Variants in CCDC192 observed in about 807,000 individuals in gnomAD.
CCDC192 encodes the protein coiled-coil domain containing 192, also known as coiled-coil domain-containing protein 192.
At chr5:127,904,694 G>A (rs1195204254) in intron 6 of CCDC192, among the ~76,000 whole-genome samples, 1 of 151,962 alleles carries the variant, frequency 6.6e-6, no homozygotes, top group Non-Finnish European at 1.5e-5. Flanking sequence ...TAGAGAAGGG[G>A]TATCACTATG....
At chr5:127,847,008 C>T (rs918455306) in intron 5 of CCDC192, among the ~76,000 whole-genome samples, 1 of 152,176 alleles carries the variant, frequency 6.6e-6, no homozygotes, top group African/African-American at 2.4e-5. Context: ...CAACTGGTCC[C>T]GTGTTTATTT....
At chr5:127,814,274 G>A (rs1758238783) in intron 5 of CCDC192, among the ~76,000 whole-genome samples, 4 of 152,306 alleles carry the variant, frequency 2.6e-5, no homozygotes, top group Middle Eastern at 3.4e-3. Flanking sequence ...ATTCTTCTTT[G>A]TGGAATTGCT....
At chr5:127,740,420 A>G (rs72790345) in intron 2 of CCDC192, 7,161 of 152,300 alleles carry the variant, frequency 0.047, 233 homozygotes, top group South Asian at 0.089. Flanking sequence ...GATGCATAAC[A>G]CATTTCTCCT....
chr5:127,719,541 A>ACACC (rs1751868026), intron 2 of CCDC192, among the ~76,000 whole-genome samples: 2 of 36,458 alleles, frequency 5.5e-5, no homozygotes, highest in Admixed American at 7.6e-4. Context: ...ATACATATAT[A>ACACC]TATATATATA....
At chr5:127,775,139 C>T (rs991337701) in intron 3 of CCDC192, among the ~76,000 whole-genome samples, 3 of 152,112 alleles carry the variant, frequency 2.0e-5, no homozygotes, top group Non-Finnish European at 4.4e-5. Flanking sequence ...GTTACACTAC[C>T]CCTCCCTCCC....
chr5:127,732,336 AG>A (rs1205230319), intron 2 of CCDC192, among the ~76,000 whole-genome samples: 1 of 152,164 alleles, frequency 6.6e-6, no homozygotes, highest in Non-Finnish European at 1.5e-5. Context: ...TAAAAAGTCA[AG>A]AAACAACAGA....
At chr5:127,717,458 G>GGCTCTCTATTACTA (rs1751686853) in intron 2 of CCDC192, among the ~76,000 whole-genome samples, 1 of 132,892 alleles carries the variant, frequency 7.5e-6, no homozygotes, top group Non-Finnish European at 1.7e-5. Context: ...CTCAAGCAGT[G>GGCTCTCTATTACTA]CATAGAAAGG....
chr5:127,920,436 T>C (rs996821285), intron 6 of CCDC192, among the ~76,000 whole-genome samples: 3 of 143,674 alleles, frequency 2.1e-5, no homozygotes, highest in Non-Finnish European at 4.5e-5. Flanking sequence ...GAGATGGAGT[T>C]TTTGCTCTGT....
At chr5:127,897,987 G>A (rs1033856737) in intron 6 of CCDC192, among the ~76,000 whole-genome samples, 20 of 152,142 alleles carry the variant, frequency 1.3e-4, no homozygotes, top group Non-Finnish European at 2.6e-4. Flanking sequence ...GCTCACTTTG[G>A]CTTTATGATT....
chr5:127,899,561 CAAAA>C (rs10537626), intron 6 of CCDC192, among the ~76,000 whole-genome samples: 24 of 137,356 alleles, frequency 1.7e-4, no homozygotes, highest in Non-Finnish European at 1.7e-4. Context: ...CACACTGCAC[CAAAA>C]AAAAAAAAAA....
chr5:127,911,349 G>A (rs923813964), intron 6 of CCDC192, among the ~76,000 whole-genome samples: 3 of 152,190 alleles, frequency 2.0e-5, no homozygotes, highest in Non-Finnish European at 4.4e-5. Context: ...TGTTATGATG[G>A]CTGAAGAGAA....
chr5:127,912,088 ATT>A (rs113713531), intron 6 of CCDC192, among the ~76,000 whole-genome samples: 7 of 141,332 alleles, frequency 5.0e-5, no homozygotes, highest in Admixed American at 1.4e-4. Flanking sequence ...TGCCCAGCTA[ATT>A]TTTTTTTTTT....
intron 5 of CCDC192, among the ~76,000 whole-genome samples, chr5:127,851,794 CT>C (rs1750808206): frequency 6.6e-6 from 1 of 152,110 alleles, no homozygotes; most frequent in Non-Finnish European, 1.5e-5. Flanking sequence ...TAACTAGATT[CT>C]TCCTGTCAAC....
chr5:127,811,650 A>G (rs1758089275), intron 5 of CCDC192, among the ~76,000 whole-genome samples: 1 of 152,202 alleles, frequency 6.6e-6, no homozygotes, highest in African/African-American at 2.4e-5. Context: ...TAGCACTGAA[A>G]TTGACTTTGC....
At chr5:127,788,083 GAAA>G (rs60238996) in intron 3 of CCDC192, among the ~76,000 whole-genome samples, 2 of 94,642 alleles carry the variant, frequency 2.1e-5, no homozygotes, top group African/African-American at 3.9e-5. Context: ...CTTCACCTCA[GAAA>G]AAAAAAAAAA....
chr5:127,921,171 AAAG>A (rs748781418), intron 6 of CCDC192, among the ~76,000 whole-genome samples: 3 of 151,654 alleles, frequency 2.0e-5, no homozygotes, highest in South Asian at 4.2e-4. Flanking sequence ...AAAGAAAAGA[AAAG>A]AAAAGAAGGA....
At chr5:127,751,388 G>T (rs1754160188) in intron 2 of CCDC192, among the ~76,000 whole-genome samples, 1 of 151,834 alleles carries the variant, frequency 6.6e-6, no homozygotes, top group South Asian at 2.1e-4. Flanking sequence ...TAGTTTGGCT[G>T]GATATGAAAT....
chr5:127,808,329 C>T (rs1757905470), intron 5 of CCDC192, among the ~76,000 whole-genome samples: 1 of 151,622 alleles, frequency 6.6e-6, no homozygotes, highest in African/African-American at 2.4e-5. Context: ...GTATATCTAC[C>T]TTTTTTTTCA....
chr5:127,760,384 A>G (rs1192118891), intron 3 of CCDC192, among the ~76,000 whole-genome samples: 2 of 152,100 alleles, frequency 1.3e-5, no homozygotes, highest in African/African-American at 4.8e-5. Context: ...AAGATGCCTA[A>G]TGATTTCCCA....
Sources: gnomAD v4.1 joint callset for allele counts (sites outside exome capture counted in the v4.1 genomes callset) on GRCh38, gnomAD v4.1.1 for gene constraint, MANE v1.5 for transcripts, NCBI Gene and HGNC (gene_info 2026-07-23, HGNC 2026-07-21) for gene names.